The following RERE variants were observed in gnomAD, a reference collection of about 807,000 sequenced individuals.
The protein encoded by RERE is arginine-glutamic acid dipeptide repeats protein.
A neutral mutation model predicts 146.1 loss-of-function variants in RERE; 40 were observed. The ratio of observed to expected loss-of-function variants is 0.27; its 90% CI spans 0.21 to 0.36. The LOEUF (loss-of-function observed/expected upper bound fraction) is 0.36, where lower values mean the gene tolerates loss of function less well. Among genes scored for constraint, RERE ranks in the 10% least tolerant of loss-of-function variants. The probability of loss-of-function intolerance (pLI) is 1.00; values close to 1 mark genes in which losing one functional copy is unlikely to be tolerated. For missense variants in RERE, 1,933 were observed against 2,138.7 expected, an observed-to-expected ratio of 0.90 and a Z score of 1.90; for synonymous variants, 1,003 against 866.0, an observed-to-expected ratio of 1.16 and a Z score of -2.78.
At chr1:8,472,254 C>T (rs2124151895) in intron 10 of RERE, among the ~76,000 whole-genome samples, 1 of 152,292 alleles carries the variant, frequency 6.6e-6, no homozygotes, top group East Asian at 1.9e-4. Context: ...CCATTAGAAA[C>T]ATTCCCCTCT....
At chr1:8,746,290 TTACTC>T (rs1347391640) in intron 1 of RERE, among the ~76,000 whole-genome samples, 4 of 152,114 alleles carry the variant, frequency 2.6e-5, no homozygotes, top group South Asian at 4.1e-4. Context: ...CTTACTGACT[TTACTC>T]TAGGGAACTA....
chr1:8,776,617 A>G (rs1381627586), intron 1 of RERE, among the ~76,000 whole-genome samples: 1 of 152,208 alleles, frequency 6.6e-6, no homozygotes. Context: ...GTTTCATTCT[A>G]TTAAGCATGT....
intron 8 of RERE, among the ~76,000 whole-genome samples, chr1:8,500,895 G>A (rs1645128461): frequency 2.0e-5 from 3 of 151,602 alleles, no homozygotes; most frequent in Admixed American, 2.0e-4. Flanking sequence ...GCCTCTGCCT[G>A]GCCGCCCCGT....
chr1:8,521,918 G>GA (rs1269316799), intron 7 of RERE, among the ~76,000 whole-genome samples: 4 of 152,074 alleles, frequency 2.6e-5, no homozygotes, highest in Admixed American at 1.3e-4. Flanking sequence ...GTCCAATAGG[G>GA]AAAAAAATCA....
At chr1:8,369,900 C>T (rs2124386198) in intron 12 of RERE, among the ~76,000 whole-genome samples, 1 of 152,286 alleles carries the variant, frequency 6.6e-6, no homozygotes, top group Admixed American at 6.5e-5. Context: ...CGCCATTCTC[C>T]TGCCTCGGCC....
intron 4 of RERE, among the ~76,000 whole-genome samples, chr1:8,589,112 G>A (rs1431973514): frequency 6.6e-6 from 1 of 151,706 alleles, no homozygotes; most frequent in Non-Finnish European, 1.5e-5. Flanking sequence ...CAACTGAGCA[G>A]GACTCTGTCC....
At chr1:8,407,980 T>A (rs1643498973) in intron 12 of RERE, among the ~76,000 whole-genome samples, 1 of 152,008 alleles carries the variant, frequency 6.6e-6, no homozygotes, top group Non-Finnish European at 1.5e-5. Context: ...ACATTCTGAG[T>A]AAAGAAATGG....
At chr1:8,386,924 C>T (rs1334414964) in intron 12 of RERE, among the ~76,000 whole-genome samples, 2 of 152,122 alleles carry the variant, frequency 1.3e-5, no homozygotes, top group East Asian at 3.9e-4. Context: ...ATAAAGGGAA[C>T]GTACTCAAAT....
intron 2 of RERE, among the ~76,000 whole-genome samples, chr1:8,646,224 T>C (rs192775019): frequency 5.9e-5 from 9 of 152,274 alleles, no homozygotes; most frequent in Non-Finnish European, 1.0e-4. Flanking sequence ...TAGCTCAGAA[T>C]GTGACCTTAT....
At chr1:8,763,045 C>G (rs563400695) in intron 1 of RERE, among the ~76,000 whole-genome samples, 1 of 152,098 alleles carries the variant, frequency 6.6e-6, no homozygotes, top group African/African-American at 2.4e-5. Context: ...AAAACAGTGA[C>G]TCAGAAATTT....
chr1:8,631,291 T>C (rs1166500385), intron 2 of RERE, among the ~76,000 whole-genome samples: 6 of 152,206 alleles, frequency 3.9e-5, no homozygotes, highest in Non-Finnish European at 7.3e-5. Flanking sequence ...TTCCAGCACT[T>C]TGGGAGGCCG....
intron 12 of RERE, among the ~76,000 whole-genome samples, chr1:8,388,840 A>T (rs1642780316): frequency 6.6e-6 from 1 of 152,214 alleles, no homozygotes; most frequent in African/African-American, 2.4e-5. Context: ...TGCTCATTAG[A>T]CAGCTAGGTA....
At chr1:8,497,806 A>T (rs752155423) in intron 8 of RERE, among the ~76,000 whole-genome samples, 1 of 152,246 alleles carries the variant, frequency 6.6e-6, no homozygotes, top group Non-Finnish European at 1.5e-5. Context: ...AAACTGAAGC[A>T]CACACATATG....
intron 1 of RERE, among the ~76,000 whole-genome samples, chr1:8,720,611 G>A (rs192599411): frequency 1.3e-3 from 191 of 152,302 alleles, no homozygotes; most frequent in African/African-American, 4.3e-3. Context: ...AGGGTGGAGG[G>A]TGCCGGCAAC....
intron 2 of RERE, among the ~76,000 whole-genome samples, chr1:8,635,130 C>T (rs1313529816): frequency 1.3e-5 from 2 of 152,132 alleles, no homozygotes; most frequent in Non-Finnish European, 2.9e-5. Flanking sequence ...GATCTTCAGC[C>T]CACTGTGAAT....
chr1:8,631,698 G>A (rs1647037376), intron 2 of RERE, among the ~76,000 whole-genome samples: 4 of 152,090 alleles, frequency 2.6e-5, no homozygotes, highest in Admixed American at 6.5e-5. Context: ...AGCTGTGTTG[G>A]TTGAGTCCCT....
chr1:8,400,878 C>T (rs181685784), intron 12 of RERE, among the ~76,000 whole-genome samples: 9 of 143,134 alleles, frequency 6.3e-5, no homozygotes, highest in Non-Finnish European at 1.2e-4. Flanking sequence ...ATTATCCAGG[C>T]GTGATGGCGT....
chr1:8,386,221 T>C (rs1642677644), intron 12 of RERE, among the ~76,000 whole-genome samples: 1 of 150,536 alleles, frequency 6.6e-6, no homozygotes, highest in Non-Finnish European at 1.5e-5. Flanking sequence ...CTCCTCCAAA[T>C]TTTTCTTTAG....
In RERE at chr1:8,355,604, C is replaced by A. The variant is rs772940396; in HGVS notation, c.4487-5G>T. On this transcript the variant is annotated splice_region_variant and splice_polypyrimidine_tract_variant and intron_variant, in intron 21 of 22. Transcript: ENST00000400908. ...GGTCACGGGGGTAGGGGGTGCCTGC[C>A]GAACACAAAACAACCTGCGCTACAG... 5 of 1,565,852 alleles carry A rather than the reference C, an allele frequency of 3.2e-6. No individual in the cohort carries two copies. Among genetic ancestry groups the A allele is most frequent in the Non-Finnish European group, 3.5e-6 (4 of 1,153,174 alleles).
Sources: gnomAD v4.1 joint callset for allele counts (sites outside exome capture counted in the v4.1 genomes callset) on GRCh38, gnomAD v4.1.1 for gene constraint, MANE v1.5 for transcripts, NCBI Gene and HGNC (gene_info 2026-07-23, HGNC 2026-07-21) for gene names.